Variants in ABR observed in about 807,000 individuals in gnomAD.
ABR encodes active breakpoint cluster region-related protein.
A neutral mutation model predicts 107.2 loss-of-function variants in ABR; 35 were observed. The ratio of observed to expected loss-of-function variants is 0.33; its 90% CI spans 0.25 to 0.43. The LOEUF (loss-of-function observed/expected upper bound fraction) is 0.43, where lower values mean the gene tolerates loss of function less well. Ranked by LOEUF, ABR falls within the 20% of genes least tolerant of loss-of-function variation. The pLI, the probability that ABR is intolerant of heterozygous loss-of-function variation, is 1.00. For synonymous variants in ABR, 498 were observed against 462.0 expected, an observed-to-expected ratio of 1.08 and a Z score of -1.00; for missense variants, 815 against 1,115.2, an observed-to-expected ratio of 0.73 and a Z score of 3.83.
At chr17:1,204,383 T>G (rs2042748002) in intron 1 of ABR, among the ~76,000 whole-genome samples, 1 of 152,184 alleles carries the variant, frequency 6.6e-6, no homozygotes, top group Non-Finnish European at 1.5e-5. Flanking sequence ...AGGCAGAGGT[T>G]GCAGTGAGCC....
At chr17:1,107,403 G>A (rs1442956856) in intron 2 of ABR, among the ~76,000 whole-genome samples, 1 of 152,264 alleles carries the variant, frequency 6.6e-6, no homozygotes, top group Non-Finnish European at 1.5e-5. Context: ...CAATGAATAT[G>A]ACATGGTCCT....
At chr17:1,111,145 T>C (rs1339015283) in intron 2 of ABR, among the ~76,000 whole-genome samples, 1 of 152,178 alleles carries the variant, frequency 6.6e-6, no homozygotes, top group Non-Finnish European at 1.5e-5. Flanking sequence ...AGGCCCCTGC[T>C]GTGTTCCTTC....
intron 1 of ABR, among the ~76,000 whole-genome samples, chr17:1,139,307 A>G: frequency 6.6e-6 from 1 of 152,130 alleles, no homozygotes; most frequent in South Asian, 2.1e-4. Context: ...GCTGGAGTGC[A>G]GTGGCGCCAT....
chr17:1,031,844 G>A (rs1361705809), intron 16 of ABR: 4 of 1,218,520 alleles, frequency 3.3e-6, no homozygotes, highest in African/African-American at 3.2e-5. Context: ...CTTTCCCCGC[G>A]CTCGCCTCCC....
In ABR at chr17:1,148,041, A is replaced by C. The variant is rs1400801014; in HGVS notation, c.62-22674T>G. On this transcript the variant is annotated intron_variant, in intron 1 of 22. Transcript: ENST00000302538. This position sits in a 1 kb window ranked among gnomAD's most constrained non-coding sequence, Gnocchi z 4.9. ...CCCCAGGCTGGTCAATGACCCACCC[A>C]CTCTCCCCAGGCTGGTCAATGGGCC... Among the ~76,000 whole-genome samples, 1 of 151,692 alleles carries C rather than the reference A, an allele frequency of 6.6e-6. No homozygotes were observed.
chr17:1,048,467 G>A (rs12602761), intron 16 of ABR, among the ~76,000 whole-genome samples: 14,923 of 150,758 alleles, frequency 0.099, 916 homozygotes, highest in Admixed American at 0.2. Context: ...GAGAACAAAT[G>A]CTTCCTGCTA....
At chr17:1,180,724 G>C (rs146792618), upstream of ABR, among the ~76,000 whole-genome samples, 2 of 152,340 alleles carry the variant, frequency 1.3e-5, no homozygotes, top group African/African-American at 4.8e-5. Context: ...GTCGGGTCAA[G>C]AGGCCTGAGA....
chr17:1,170,716 G>A (rs772084229), intron 1 of ABR, among the ~76,000 whole-genome samples: 62 of 152,204 alleles, frequency 4.1e-4, no homozygotes, highest in African/African-American at 1.3e-3. Context: ...GATTACAGGC[G>A]TGAGCCACCG....
chr17:1,100,144 A>G (rs943907974), intron 3 of ABR, among the ~76,000 whole-genome samples: 3 of 151,598 alleles, frequency 2.0e-5, no homozygotes, highest in African/African-American at 4.8e-5. Context: ...AAAAAAAAAA[A>G]AAAAAGAACA....
At chr17:1,098,612 C>T (rs1284473292) in intron 3 of ABR, among the ~76,000 whole-genome samples, 1 of 152,214 alleles carries the variant, frequency 6.6e-6, no homozygotes, top group East Asian at 1.9e-4. Flanking sequence ...GGCTGAGAGG[C>T]ACAGTTTGAG....
intron 21 of ABR, among the ~76,000 whole-genome samples, chr17:1,008,580 G>T (rs1419677726): frequency 1.3e-5 from 2 of 152,234 alleles, no homozygotes; most frequent in African/African-American, 4.8e-5. Context: ...ATTGGTTGGG[G>T]CTCTAGTCCT....
intron 14 of ABR, among the ~76,000 whole-genome samples, chr17:1,052,094 C>A (rs1251858339): frequency 6.6e-5 from 10 of 151,048 alleles, no homozygotes; most frequent in East Asian, 5.8e-4. Flanking sequence ...ACCAAAAAAA[C>A]CAGCTTTCCT....
intron 1 of ABR, among the ~76,000 whole-genome samples, chr17:1,226,486 T>C (rs1432580756): frequency 6.9e-6 from 1 of 145,906 alleles, no homozygotes; most frequent in African/African-American, 2.7e-5. Flanking sequence ...CTGTGCCATG[T>C]GTATACGTGT....
intron 1 of ABR, among the ~76,000 whole-genome samples, chr17:1,176,644 G>A (rs968588169): frequency 1.3e-5 from 2 of 152,066 alleles, no homozygotes; most frequent in Non-Finnish European, 2.9e-5. Context: ...TCAGGAGTTC[G>A]AGACCAGCCT....
chr17:1,149,571 C>T (rs557508373), intron 1 of ABR, among the ~76,000 whole-genome samples: 29 of 152,108 alleles, frequency 1.9e-4, no homozygotes, highest in Non-Finnish European at 3.5e-4. Context: ...GCATGCACCA[C>T]CACACCCAGC....
At chr17:1,191,387 T>C (rs1343871862), upstream of ABR, among the ~76,000 whole-genome samples, 2 of 139,890 alleles carry the variant, frequency 1.4e-5, no homozygotes, top group African/African-American at 5.5e-5. Context: ...AGACAGAGTC[T>C]CCCTCTGTTG....
At chr17:1,184,667 C>CTT (rs35617329), upstream of ABR, among the ~76,000 whole-genome samples, 19,357 of 145,660 alleles carry the variant, frequency 0.13, 2,341 homozygotes, top group African/African-American at 0.32. Flanking sequence ...TTATTGAGTG[C>CTT]TTTTTTTTTT....
rs1328151300 is a variant in ABR at position 1,062,698 on chromosome 17, G to C, written c.1183-3831C>G. Among the ~76,000 whole-genome samples, 2 of 142,906 alleles carry C rather than the reference G, an allele frequency of 1.4e-5. 1 individual carries two copies. The highest frequency in any genetic ancestry group is 3.1e-5 in the Non-Finnish European group (2 of 64,078). 93.8% of individuals were successfully genotyped at this position (142,906 alleles called of 152,430 possible). On this transcript the variant is annotated intron_variant, in intron 10 of 22. Transcript: ENST00000302538. The stretch of plus-strand genomic sequence containing the variant: ...ACTGAGGGCTATACATGTTCCTCTA[G>C]ACACTGCTATTATGTGAACTGAGGG...
At chr17:1,055,265 G>A (rs1031805080) in intron 14 of ABR, 9 of 152,184 alleles carry the variant, frequency 5.9e-5, no homozygotes, top group African/African-American at 2.2e-4. Context: ...ACTAAAAACA[G>A]ATTTAGTATG....
Sources: allele counts gnomAD v4.1 joint callset (sites outside exome capture counted in the v4.1 genomes callset), GRCh38; gene constraint gnomAD v4.1.1; non-coding constraint Gnocchi (gnomAD v3.1); transcripts MANE v1.5; gene names NCBI Gene and HGNC (gene_info 2026-07-23, HGNC 2026-07-21).